ZHX2: variants seen among roughly 807,000 people sequenced by gnomAD.
ZHX2 encodes zinc fingers and homeoboxes 2, also known as zinc fingers and homeoboxes protein 2.
A neutral mutation model predicts 21.9 loss-of-function variants in ZHX2; 6 were observed. That is an observed-to-expected ratio of 0.27 (90% CI 0.15 to 0.54). The LOEUF (loss-of-function observed/expected upper bound fraction) is 0.54. Among genes scored for constraint, ZHX2 ranks in the 20% least tolerant of loss-of-function variants. ZHX2 has a pLI of 0.95. For synonymous variants in ZHX2, 434 were observed against 437.1 expected (o/e 0.99, Z 0.09); for missense variants, 908 against 1,090.7 (o/e 0.83, Z 2.36).
intron 2 of ZHX2, among the ~76,000 whole-genome samples, chr8:122,906,386 C>G (rs1449900695): frequency 1.3e-5 from 2 of 152,178 alleles, no homozygotes; most frequent in African/African-American, 2.4e-5. Context: ...ATGGCTTATG[C>G]TACATTGAGA....
At chr8:122,848,703 G>A (rs1818812952) in intron 1 of ZHX2, among the ~76,000 whole-genome samples, 3 of 152,134 alleles carry the variant, frequency 2.0e-5, no homozygotes, top group South Asian at 4.1e-4. Flanking sequence ...ATATTTTCCC[G>A]GGCATTGGTG....
intron 2 of ZHX2, among the ~76,000 whole-genome samples, chr8:122,866,328 C>G (rs1027756772): frequency 3.9e-5 from 6 of 152,134 alleles, no homozygotes; most frequent in African/African-American, 1.4e-4. Context: ...AGGCACTCCC[C>G]CCCACCCCAG....
At chr8:122,909,676 A>G (rs1277793936) in intron 2 of ZHX2, among the ~76,000 whole-genome samples, 3 of 151,776 alleles carry the variant, frequency 2.0e-5, no homozygotes, top group Non-Finnish European at 4.4e-5. Context: ...AGGGCGTGGT[A>G]TTCACACTGG....
intron 2 of ZHX2, among the ~76,000 whole-genome samples, chr8:122,872,531 T>C (rs928217646): frequency 2.0e-5 from 3 of 152,174 alleles, no homozygotes; most frequent in African/African-American, 7.2e-5. Flanking sequence ...AGAGGCCACT[T>C]CATCCTTCTC....
rs776537686 is a variant in ZHX2 at position 122,952,134 on chromosome 8, C to T, written c.624C>T (p.Pro208=). ...CCAAGAAGCCCGAGGAGATCACCCC[C>T]GAGAACCACGTGGAAGGGACCGCCC... The part of the protein sequence containing the change: ...KVPKKPEEIT[P]ENHVEGTARL... Residue 208 remains proline (P), a synonymous_variant, in exon 3 of 4, where the codon CCC becomes CCT. Coordinates refer to ENST00000314393, the MANE Select transcript of ZHX2 (RefSeq NM_014943.5). The surrounding 1 kb of genome is among the most constrained non-coding windows in gnomAD (Gnocchi z 6.9). 2.4e-5 allele frequency: 38 copies of T among 1,613,746 alleles called. No homozygotes were observed. The African/African-American group carries it at 3.5e-4, about 15-fold the overall frequency.
In ZHX2 at chr8:122,951,439, T is replaced by G; in HGVS notation, c.-72T>G. 1 of 1,372,082 alleles carries G rather than the reference T, an allele frequency of 7.3e-7. No individual in the cohort carries two copies. Among genetic ancestry groups the G allele is most frequent in the African/African-American group, 1.5e-5 (1 of 68,962 alleles). The allele number at this position is 1,372,082 out of a possible 1,614,324, so 85.0% of individuals were successfully genotyped here. On this transcript the variant is annotated 5_prime_UTR_variant, in exon 3 of 4. Transcript: ENST00000314393. ...ATAAAGCCAAAAGCCTTTCACCTTA[T>G]TCGTTCCAAGAATCTCACCGCCCCC...
intron 1 of ZHX2, among the ~76,000 whole-genome samples, chr8:122,860,709 C>T (rs1209104475): frequency 6.6e-6 from 1 of 152,114 alleles, no homozygotes; most frequent in Non-Finnish European, 1.5e-5. Flanking sequence ...TCAGAAGTTA[C>T]AGGTACAAGA....
At chr8:122,892,432 T>C (rs1016718669) in intron 2 of ZHX2, among the ~76,000 whole-genome samples, 24 of 151,786 alleles carry the variant, frequency 1.6e-4, no homozygotes, top group African/African-American at 5.3e-4. Context: ...AAGGTTATTA[T>C]TGATAAGTGA....
At chr8:122,970,903 A>G (rs16897813) in intron 3 of ZHX2, among the ~76,000 whole-genome samples, 16,076 of 152,212 alleles carry the variant, frequency 0.11, 940 homozygotes, top group South Asian at 0.18. Context: ...GCTCTCTTCA[A>G]TTGCTACCTA....
chr8:122,841,547 T>A (rs1466369281), intron 1 of ZHX2, among the ~76,000 whole-genome samples: 1 of 151,416 alleles, frequency 6.6e-6, no homozygotes, highest in Non-Finnish European at 1.5e-5. Context: ...GGGTCGGGGG[T>A]TGGGGGGCAA....
intron 2 of ZHX2, among the ~76,000 whole-genome samples, chr8:122,935,316 C>G (rs1024814042): frequency 6.6e-6 from 1 of 151,842 alleles, no homozygotes; most frequent in Admixed American, 6.6e-5. Context: ...CTTTTTAAGA[C>G]CTTTCAAAAA....
Position 122,953,396 on chromosome 8 carries a change from CT to C in ZHX2, c.1888del (p.Ser630ArgfsTer14). The C allele has an allele frequency of 6.2e-7, 1 of 1,614,176 alleles. No homozygotes were observed. The highest frequency in any genetic ancestry group is 8.5e-7 in the Non-Finnish European group (1 of 1,180,040). ...GAQLTSSLPS[P>X]SPAIAKSQEQ... ...CAGTTAACAAGTTCTCTGCCCAGCCCTTCGCCAGCAATTGCAAAAAGTCAAG... is the reference window on the plus strand; with the variant it reads ...CAGTTAACAAGTTCTCTGCCCAGCCCTCGCCAGCAATTGCAAAAAGTCAAG... On this transcript the variant is annotated frameshift_variant, in exon 3 of 4. Coordinates refer to ENST00000314393, the MANE Select transcript of ZHX2 (RefSeq NM_014943.5). LOFTEE classifies it low-confidence loss of function (END_TRUNC). This position sits in a 1 kb window ranked among gnomAD's most constrained non-coding sequence, Gnocchi z 4.6.
intron 3 of ZHX2, among the ~76,000 whole-genome samples, chr8:122,961,469 A>G (rs1448789781): frequency 6.6e-6 from 1 of 152,230 alleles, no homozygotes; most frequent in Non-Finnish European, 1.5e-5. Flanking sequence ...AGCCCCTTGT[A>G]TTAGGCTGTT....
At chr8:122,906,754 T>C (rs1289411381) in intron 2 of ZHX2, among the ~76,000 whole-genome samples, 1 of 150,258 alleles carries the variant, frequency 6.7e-6, no homozygotes, top group Non-Finnish European at 1.5e-5. Flanking sequence ...CACTGCAACT[T>C]CCTCCTCCAG....
In ZHX2 at chr8:122,945,436, C is replaced by CAAAAAAAAAAAAAA. The variant is rs60890533; in HGVS notation, c.-219-5842_-219-5829dup. Among the ~76,000 whole-genome samples, 159 of 73,656 alleles carry CAAAAAAAAAAAAAA rather than the reference C, an allele frequency of 2.2e-3. 14 individuals carry two copies. Among genetic ancestry groups the CAAAAAAAAAAAAAA allele is most frequent in the Admixed American group, 3.5e-3 (23 of 6,510 alleles). The allele number at this position is 73,656 out of a possible 152,430, so 48.3% of individuals were successfully genotyped here. A position where few individuals can be genotyped will look rare whatever the true frequency, so the allele number is the denominator to read the frequency against. ...CTCTTTTATATAAACCCTGTCTCTGCAAAAAAAAAAAAAAAAAAAAAAAAA... is the reference window on the plus strand; with the variant it reads ...CTCTTTTATATAAACCCTGTCTCTGCAAAAAAAAAAAAAAAAAAAAAAAAAAAAAAAAAAAAAAA... On this transcript the variant is annotated intron_variant, in intron 2 of 3. Transcript: ENST00000314393.
At chr8:122,826,812 G>A (rs1298088723) in intron 1 of ZHX2, among the ~76,000 whole-genome samples, 1 of 151,668 alleles carries the variant, frequency 6.6e-6, no homozygotes, top group Non-Finnish European at 1.5e-5. Context: ...ACTGTTACAT[G>A]TGCAGGGTCA....
intron 1 of ZHX2, among the ~76,000 whole-genome samples, chr8:122,791,505 T>A (rs889109030): frequency 6.6e-6 from 1 of 152,202 alleles, no homozygotes; most frequent in Non-Finnish European, 1.5e-5. Flanking sequence ...CAAGGGAATT[T>A]AGACAACCTT....
Position 122,870,657 on chromosome 8 carries a change from AAAAAAAAAAG to A in ZHX2, c.-220+7122_-220+7131del, listed in dbSNP as rs1446771401. On this transcript the variant is annotated intron_variant, in intron 2 of 3. Coordinates refer to ENST00000314393, the MANE Select transcript of ZHX2 (RefSeq NM_014943.5). ...CTGTCTCAAAAAAAAAAAAAAAAAA[AAAAAAAAAAG>A]AAAGAGAAAGATGAACTGGTCAGAG... Among the ~76,000 whole-genome samples the A allele has an allele frequency of 5.0e-3, 722 of 145,072 alleles. 11 individuals are homozygous for A. Among genetic ancestry groups the A allele is most frequent in the African/African-American group, 0.018 (661 of 36,166 alleles).
intron 1 of ZHX2, among the ~76,000 whole-genome samples, chr8:122,846,549 A>ATTT (rs201581677): frequency 1.1e-4 from 12 of 111,268 alleles, no homozygotes; most frequent in African/African-American, 1.5e-4. Context: ...GACTTTGTGT[A>ATTT]TTTTTTTTTT....
Sources: allele counts gnomAD v4.1 joint callset (sites outside exome capture counted in the v4.1 genomes callset), GRCh38; gene constraint gnomAD v4.1.1; non-coding constraint Gnocchi (gnomAD v3.1); transcripts MANE v1.5; gene names NCBI Gene and HGNC (gene_info 2026-07-23, HGNC 2026-07-21).